Variants in GSK3B observed in about 807,000 individuals in gnomAD.
GSK3B encodes the protein glycogen synthase kinase 3 beta, also known as glycogen synthase kinase-3 beta.
A neutral mutation model predicts 56.4 loss-of-function variants in GSK3B; 15 were observed. That is an observed-to-expected ratio of 0.27 (90% CI 0.18 to 0.41). The LOEUF is 0.41. Ranked by LOEUF, GSK3B falls within the 10% of genes least tolerant of loss-of-function variation. The pLI, the probability that GSK3B is intolerant of heterozygous loss-of-function variation, is 1.00. For missense variants in GSK3B, 300 were observed against 513.4 expected (o/e 0.58, Z 4.02); for synonymous variants, 181 against 188.9 (o/e 0.96, Z 0.34).
At chr3:119,948,770 C>T (rs754322325) in intron 2 of GSK3B, among the ~76,000 whole-genome samples, 6 of 152,162 alleles carry the variant, frequency 3.9e-5, no homozygotes, top group Non-Finnish European at 8.8e-5. Context: ...GTGATCTCGG[C>T]TCATTGCAAC....
intron 2 of GSK3B, among the ~76,000 whole-genome samples, chr3:119,947,915 C>T (rs1259906653): frequency 6.6e-6 from 1 of 151,324 alleles, no homozygotes; most frequent in Non-Finnish European, 1.5e-5. Context: ...ATTATACAGT[C>T]CTGATAGATT....
intron 1 of GSK3B, among the ~76,000 whole-genome samples, chr3:120,079,036 G>C (rs1652021929): frequency 1.4e-5 from 2 of 146,918 alleles, no homozygotes; most frequent in African/African-American, 5.1e-5. Flanking sequence ...TGCTTTGCCA[G>C]GTTCAAACGA....
intron 1 of GSK3B, among the ~76,000 whole-genome samples, chr3:120,033,223 C>T (rs892738054): frequency 1.3e-5 from 2 of 152,092 alleles, no homozygotes. Flanking sequence ...ATGGAAATCC[C>T]GTATTTGATT....
At chr3:120,080,990 T>G (rs1320636122) in intron 1 of GSK3B, among the ~76,000 whole-genome samples, 1 of 152,210 alleles carries the variant, frequency 6.6e-6, no homozygotes, top group African/African-American at 2.4e-5. Context: ...GAAATTGAAC[T>G]GTCAGGTTTC....
At chr3:119,849,213 T>C (rs765574357) in intron 9 of GSK3B, among the ~76,000 whole-genome samples, 2 of 152,144 alleles carry the variant, frequency 1.3e-5, no homozygotes, top group African/African-American at 4.8e-5. Context: ...AATCCAACCA[T>C]CCATCAACCC....
intron 7 of GSK3B, among the ~76,000 whole-genome samples, chr3:119,900,651 G>A (rs932275134): frequency 1.3e-5 from 2 of 152,054 alleles, no homozygotes; most frequent in African/African-American, 2.4e-5. Flanking sequence ...TCAAACTTAC[G>A]AAAACCAATA....
At chr3:119,830,928 A>T (rs1052642051) in intron 10 of GSK3B, among the ~76,000 whole-genome samples, 1 of 152,236 alleles carries the variant, frequency 6.6e-6, no homozygotes, top group African/African-American at 2.4e-5. Flanking sequence ...TAAAAGAGAC[A>T]TCTAAAAATA....
intron 7 of GSK3B, among the ~76,000 whole-genome samples, chr3:119,901,195 A>G (rs553403425): frequency 2.6e-5 from 4 of 152,224 alleles, no homozygotes; most frequent in African/African-American, 9.6e-5. Flanking sequence ...GAACTATATC[A>G]TATATTTCTT....
chr3:119,977,599 C>T (rs1016549530), intron 2 of GSK3B, among the ~76,000 whole-genome samples: 4 of 152,160 alleles, frequency 2.6e-5, no homozygotes, highest in African/African-American at 7.2e-5. Flanking sequence ...CTACAAATTT[C>T]CATGACTTAA....
intron 2 of GSK3B, among the ~76,000 whole-genome samples, chr3:119,978,133 C>T (rs1412575010): frequency 6.6e-6 from 1 of 152,134 alleles, no homozygotes; most frequent in Non-Finnish European, 1.5e-5. Context: ...AAGGGCATCC[C>T]CCTAATGGCT....
In GSK3B at chr3:120,011,717, G is replaced by A. The variant is rs548581611; in HGVS notation, c.89-9478C>T. Among the ~76,000 whole-genome samples the A allele has an allele frequency of 4.2e-4, 64 of 152,228 alleles. 1 individual carries two copies. The South Asian group carries it at 0.012, about 29-fold the overall frequency. ...ATGAACATTAGTAGTGCCATGGGTC[G>A]GTCAGCAACTAGCGTGCCAAGGAAA... On this transcript the variant is annotated intron_variant, in intron 1 of 10. Transcript: ENST00000264235.
intron 3 of GSK3B, among the ~76,000 whole-genome samples, chr3:119,934,445 C>G (rs572736421): frequency 5.9e-5 from 9 of 152,134 alleles, no homozygotes; most frequent in Admixed American, 3.3e-4. Flanking sequence ...AAAAAACTGT[C>G]GAGATCATCA....
At chr3:119,865,466 A>ATTT (rs779477802) in intron 8 of GSK3B, among the ~76,000 whole-genome samples, 5 of 34,110 alleles carry the variant, frequency 1.5e-4, no homozygotes, top group East Asian at 9.3e-4. Context: ...ATATATATAT[A>ATTT]TTTTTTTTTT....
rs528593194 is a variant in GSK3B, at chr3:119,947,797, A to C, written c.283-446T>G. On this transcript the variant is annotated intron_variant, in intron 2 of 10. Coordinates refer to ENST00000264235, the MANE Select transcript of GSK3B (RefSeq NM_001146156.2). ...TTTCTAAGATGCAGTGAAAAAAAAA[A>C]CTGAGCATCAACTCCATGAAAAGAG... 1.7e-3 allele frequency among the ~76,000 whole-genome samples: 265 copies of C among 151,864 alleles called. 3 individuals are homozygous for C. Among genetic ancestry groups the C allele is most frequent in the South Asian group, 0.013 (62 of 4,806 alleles).
intron 1 of GSK3B, among the ~76,000 whole-genome samples, chr3:120,030,416 T>A (rs986262643): frequency 6.6e-6 from 1 of 152,218 alleles, no homozygotes; most frequent in African/African-American, 2.4e-5. Context: ...CTCCCCACTT[T>A]GGAGTTACAC....
chr3:119,948,477 C>A (rs752361157), intron 2 of GSK3B, among the ~76,000 whole-genome samples: 1 of 152,220 alleles, frequency 6.6e-6, no homozygotes, highest in East Asian at 1.9e-4. Context: ...ATCAATCTTT[C>A]ATTCCATTAC....
At chr3:119,911,855 G>GT (rs376216490) in intron 6 of GSK3B, among the ~76,000 whole-genome samples, 176 of 152,288 alleles carry the variant, frequency 1.2e-3, no homozygotes, top group African/African-American at 4.2e-3. Context: ...GCCTTGCTGG[G>GT]TTAGGCTTTG....
chr3:119,980,938 T>C (rs919444754), intron 2 of GSK3B, among the ~76,000 whole-genome samples: 5 of 152,218 alleles, frequency 3.3e-5, no homozygotes, highest in African/African-American at 1.2e-4. Context: ...ATGTCAAGGA[T>C]TGTCTGTGAA....
At position 120,002,063 on chromosome 3, in the gene GSK3B, G is replaced by A; in HGVS notation, c.265C>T (p.Gln89Ter). 6.2e-7 allele frequency: 1 copy of A among 1,600,588 alleles called. No homozygotes were observed. The highest frequency in any genetic ancestry group is 8.5e-7 in the Non-Finnish European group (1 of 1,173,806). The change falls in exon 2 of 11, where the codon CAG becomes TAG. Residue 89 changes from glutamine to a stop codon, truncating the protein, a stop_gained. Transcript: ENST00000264235. LOFTEE classifies it high-confidence loss of function. ...GELVAIKKVL[Q>*]DKRFKNRELQ... ...CATTTTACCTTAAATCTCTTGTCCT[G>A]CAATACTTTCTTGATGGCGACCAGT...
Sources: gnomAD v4.1 joint callset for allele counts (sites outside exome capture counted in the v4.1 genomes callset) on GRCh38, gnomAD v4.1.1 for gene constraint, MANE v1.5 for transcripts, NCBI Gene and HGNC (gene_info 2026-07-23, HGNC 2026-07-21) for gene names.